Variants in DOP1A observed in about 807,000 individuals in gnomAD.
DOP1A encodes the protein protein DOP1A.
A neutral mutation model predicts 267.6 loss-of-function variants in DOP1A; 90 were observed. The ratio of observed to expected loss-of-function variants is 0.34; its 90% confidence interval spans 0.28 to 0.40. DOP1A has a LOEUF of 0.40. Ranked by LOEUF, DOP1A falls within the 10% of genes least tolerant of loss-of-function variation. DOP1A has a pLI of 1.00. For synonymous variants in DOP1A, 932 were observed against 999.1 expected, an observed-to-expected ratio of 0.93 and a Z score of 1.27; for missense variants, 2,437 against 2,900.4, an observed-to-expected ratio of 0.84 and a Z score of 3.67.
In DOP1A at chr6:83,095,867, C is replaced by T. The variant is rs111454289; in HGVS notation, c.-146-864C>T. On this transcript the variant is annotated intron_variant, in intron 1 of 38. Transcript: ENST00000349129. The stretch of plus-strand genomic sequence containing the variant: ...TATAGAAAGCTTCAGCTCCTTGTCA[C>T]GAGACCTGCCTTCTCCATAGGGCTC... Among the ~76,000 whole-genome samples, 1,346 of 152,184 alleles carry T rather than the reference C, an allele frequency of 8.8e-3. 18 individuals carry two copies. The highest frequency in any genetic ancestry group is 0.031 in the African/African-American group (1,276 of 41,534).
At chr6:83,113,714 A>C (rs1405576461) in intron 7 of DOP1A, among the ~76,000 whole-genome samples, 2 of 152,242 alleles carry the variant, frequency 1.3e-5, no homozygotes, top group African/African-American at 4.8e-5. Context: ...TGAGTAAGCC[A>C]AGACTGAGAC....
At chr6:83,130,517 A>C in intron 17 of DOP1A, 120 bp downstream of exon 17, 1 of 1,217,340 alleles carries the variant, frequency 8.2e-7, no homozygotes, top group Non-Finnish European at 1.1e-6. Context: ...ACACCTCTTA[A>C]TAGGCCATAC....
At chr6:83,151,311 C>T (rs1049939666) in intron 27 of DOP1A, among the ~76,000 whole-genome samples, 2 of 152,154 alleles carry the variant, frequency 1.3e-5, no homozygotes, top group South Asian at 2.1e-4. Context: ...TGCACCACCA[C>T]GCCTGGCCAC....
intron 1 of DOP1A, among the ~76,000 whole-genome samples, chr6:83,089,887 G>A (rs931401075): frequency 9.2e-5 from 14 of 152,176 alleles, no homozygotes; most frequent in Admixed American, 3.9e-4. Flanking sequence ...ATGGGTGCAC[G>A]CACTAGTCAG....
At chr6:83,072,020 A>G (rs1476642441) in intron 1 of DOP1A, among the ~76,000 whole-genome samples, 1 of 152,110 alleles carries the variant, frequency 6.6e-6, no homozygotes, top group African/African-American at 2.4e-5. Context: ...TTTTTCTCTC[A>G]TCACTTAAGT....
Position 83,129,272 on chromosome 6 carries a change from C to A in DOP1A, c.2105C>A (p.Ser702Tyr). 6.2e-7 allele frequency: 1 copy of A among 1,611,696 alleles called. No individual in the cohort carries two copies. Among genetic ancestry groups the A allele is most frequent in the Non-Finnish European group, 8.5e-7 (1 of 1,179,114 alleles). The change falls in exon 16 of 39, where the codon TCT (serine) becomes TAT (tyrosine). Residue 702 changes from serine to tyrosine, a missense_variant. Around this residue, in one of 9 missense-constraint regions of DOP1A, gnomAD observed 498 missense variants for 513.5 expected, o/e 0.97. Transcript: ENST00000349129. ...ATTCAGAATAACTCTTTTTCTCAGT[C>A]TTTGGCTACAGAACATCAAGGGGAT... ...YIIQNNSFSQ[S>Y]LATEHQGDLG...
At chr6:83,139,248 GTAAA>G in intron 21 of DOP1A, 86 bp downstream of exon 21, 1 of 1,011,772 alleles carries the variant, frequency 9.9e-7, no homozygotes, top group Non-Finnish European at 1.5e-6. Flanking sequence ...CACAACTTGA[GTAAA>G]TAAAGTAATG....
In DOP1A at chr6:83,158,579, T is replaced by C; in HGVS notation, c.6754T>C (p.Leu2252=). 6.2e-7 allele frequency: 1 copy of C among 1,606,064 alleles called. No individual in the cohort carries two copies. The highest frequency in any genetic ancestry group is 8.5e-7 in the Non-Finnish European group (1 of 1,174,608). ...TMITELVQVF[L]LMEQELTADE... is the part of the protein sequence containing the mutation. Reference sequence around the variant, plus strand: ...TCACCATTTTCAGGTACAAGTATTTTTACTGATGGAGCAGGAACTCACTGC... The same window carrying C: ...TCACCATTTTCAGGTACAAGTATTTCTACTGATGGAGCAGGAACTCACTGC... Residue 2252 remains leucine (L), a synonymous_variant, in exon 36 of 39, where the codon TTA becomes CTA. Coordinates refer to ENST00000349129, the MANE Select transcript of DOP1A (RefSeq NM_015018.4).
Position 83,138,775 on chromosome 6 carries a change from T to C in DOP1A, c.4733T>C (p.Leu1578Ser). Residue 1578 changes from leucine to serine, a missense_variant, in exon 21 of 39, where the codon TTG becomes TCG. Transcript: ENST00000349129. ...SEDEFDNGST[L>S]QSQLLKVLQR... is the part of the protein sequence containing the mutation. The stretch of plus-strand genomic sequence containing the variant: ...GATGAATTTGACAATGGCAGCACGT[T>C]GCAGTCACAACTTCTTAAGGTGCTT... 6.2e-7 allele frequency: 1 copy of C among 1,614,066 alleles called. No individual in the cohort carries two copies. The highest frequency in any genetic ancestry group is 8.5e-7 in the Non-Finnish European group (1 of 1,179,940).
chr6:83,166,424 A>G, intron 38 of DOP1A: 1 of 702,096 alleles, frequency 1.4e-6, no homozygotes, highest in Non-Finnish European at 2.6e-6. Context: ...TCCTGGGCCA[A>G]ATGCATTGTT....
At position 83,129,333 on chromosome 6, in the gene DOP1A, C is replaced by A; in HGVS notation, c.2166C>A (p.Asp722Glu). The change falls in exon 16 of 39, where the codon GAC (aspartate) becomes GAA (glutamate). Residue 722 changes from aspartate to glutamate, a missense_variant. Asp to Glu is a conservative substitution (Grantham distance 45). Around this residue, in one of 9 missense-constraint regions of DOP1A, gnomAD observed 498 missense variants for 513.5 expected, o/e 0.97. Transcript: ENST00000349129. The part of the protein sequence containing the change: ...GREQGETSKW[D>E]RNSQGDVKEK... ...AACAAGGAGAGACTTCAAAATGGGA[C>A]AGAAATTCACAAGGAGATGTAAAAG... 1 of 1,605,342 alleles carries A rather than the reference C, an allele frequency of 6.2e-7. No homozygotes were observed. The highest frequency in any genetic ancestry group is 8.5e-7 in the Non-Finnish European group (1 of 1,177,346).
chr6:83,114,971 A>T (rs1775176633), intron 7 of DOP1A, among the ~76,000 whole-genome samples: 1 of 152,160 alleles, frequency 6.6e-6, no homozygotes, highest in Non-Finnish European at 1.5e-5. Context: ...TAGGTACCTT[A>T]GTGTTCCACT....
chr6:83,119,656 G>A (rs1287652879), intron 8 of DOP1A, 92 bp from the exon 9 acceptor site: 2 of 940,318 alleles, frequency 2.1e-6, no homozygotes, highest in Middle Eastern at 4.7e-4. Flanking sequence ...TAAGTGTTTA[G>A]TGCTGTTCTG....
intron 4 of DOP1A, among the ~76,000 whole-genome samples, chr6:83,102,499 C>T (rs6938679): frequency 0.77 from 117,683 of 152,170 alleles, 45,587 homozygotes; most frequent in Middle Eastern, 0.83. Flanking sequence ...GGGCAACTTA[C>T]AGTAAGTTCT....
intron 4 of DOP1A, among the ~76,000 whole-genome samples, chr6:83,104,821 G>A (rs1228858348): frequency 4.0e-5 from 6 of 151,812 alleles, no homozygotes; most frequent in Non-Finnish European, 8.8e-5. Flanking sequence ...CTTGATATTG[G>A]TGACTCAAGC....
chr6:83,145,641 G>C lies in DOP1A; in HGVS notation c.5659G>C (p.Ala1887Pro). 1 of 1,613,356 alleles carries C rather than the reference G, an allele frequency of 6.2e-7. No homozygotes were observed. Residue 1887 changes from alanine to proline, a missense_variant, in exon 25 of 39, where the codon GCC (alanine) becomes CCC (proline). By Grantham distance (27) the Ala-to-Pro change is conservative (BLOSUM62 -1). This residue lies in a region of DOP1A where 307 missense variants were observed against 308.6 expected (regional missense o/e 0.99). Transcript: ENST00000349129. ...TVKEVLKQPP[A>P]IAKDKKHLSL... is the part of the protein sequence containing the mutation. The stretch of plus-strand genomic sequence containing the variant: ...AAAAGAAGTTTTAAAGCAGCCACCA[G>C]CCATAGCCAAGGACAAGGTAAGAAA...
Position 83,166,033 on chromosome 6 carries a change from C to A in DOP1A, c.7093-1829C>A. 8 of 279,192 alleles carry A rather than the reference C, an allele frequency of 2.9e-5. No homozygotes were observed. In the South Asian group the frequency reaches 3.8e-4, roughly 13 times the overall value. The allele number at this position is 279,192 out of a possible 1,614,324, so 17.3% of individuals were successfully genotyped here. Reference sequence around the variant, plus strand: ...CTTTCAGTCCAGCCACTGAGCTGGTCATCGCCAGTTGTCGTATAAAATCCA... The same window carrying A: ...CTTTCAGTCCAGCCACTGAGCTGGTAATCGCCAGTTGTCGTATAAAATCCA... On this transcript the variant is annotated intron_variant, in intron 38 of 38. Transcript: ENST00000349129.
At chr6:83,076,119 A>C (rs1767039517) in intron 1 of DOP1A, among the ~76,000 whole-genome samples, 1 of 152,248 alleles carries the variant, frequency 6.6e-6, no homozygotes, top group Non-Finnish European at 1.5e-5. Flanking sequence ...ATATAAAGAA[A>C]GAGCTACTCT....
chr6:83,105,439 A>C (rs113024396), intron 4 of DOP1A, among the ~76,000 whole-genome samples: 38 of 121,566 alleles, frequency 3.1e-4, no homozygotes, highest in African/African-American at 1.1e-3. Flanking sequence ...ATCTTGGCCC[A>C]CTGCAACCTC....
Sources: gnomAD v4.1 joint callset for allele counts (sites outside exome capture counted in the v4.1 genomes callset) on GRCh38, gnomAD v4.1.1 for gene constraint, gnomAD v4.1.1 regional missense constraint, MANE v1.5 for transcripts, NCBI Gene and HGNC (gene_info 2026-07-23, HGNC 2026-07-21) for gene names.